ZMYND11: variants seen among roughly 807,000 people sequenced by gnomAD.
ZMYND11 encodes the protein zinc finger MYND-type containing 11.
Under a neutral mutation model 84.9 loss-of-function variants are expected in ZMYND11, and 9 were observed. The observed-to-expected ratio is 0.11, with a 90% CI of 0.06 to 0.18. The LOEUF (loss-of-function observed/expected upper bound fraction) is 0.18. Ranked by LOEUF, ZMYND11 falls within the 10% of genes least tolerant of loss-of-function variation. The pLI is 1.00. For missense variants in ZMYND11, 409 were observed against 761.0 expected (o/e 0.54, Z 5.44); for synonymous variants, 250 against 244.1 (o/e 1.02, Z -0.23).
At chr10:174,134 C>T (rs527344556) in intron 1 of ZMYND11, among the ~76,000 whole-genome samples, 2 of 152,200 alleles carry the variant, frequency 1.3e-5, no homozygotes, top group East Asian at 3.9e-4. Context: ...GTTTTGATTG[C>T]CAAAACTTAG....
rs79345333 is a variant in ZMYND11 at position 234,372 on chromosome 10, A to G, written c.439-2466A>G. Among the ~76,000 whole-genome samples, 1,299 of 152,370 alleles carry G rather than the reference A, an allele frequency of 8.5e-3. 37 individuals are homozygous for G. The highest frequency in any genetic ancestry group is 0.056 in the Admixed American group (857 of 15,312). On this transcript the variant is annotated intron_variant, in intron 4 of 14. Coordinates refer to ENST00000381604, the MANE Select transcript of ZMYND11 (RefSeq NM_001370100.5). ...TCAAGGGACCACAGAGCCTAGAGCTAACATCCAGAGGGGAAGGGATTCCTG... is the reference window on the plus strand; with the variant it reads ...TCAAGGGACCACAGAGCCTAGAGCTGACATCCAGAGGGGAAGGGATTCCTG...
chr10:175,745 CCT>C lies in ZMYND11; in HGVS notation c.-19-4248_-19-4247del, dbSNP rs1157398369. Among the ~76,000 whole-genome samples the C allele has an allele frequency of 1.4e-4, 21 of 151,802 alleles. No homozygotes were observed. The East Asian group carries it at 3.5e-3, about 25-fold the overall frequency. On this transcript the variant is annotated intron_variant, in intron 1 of 14. Coordinates refer to ENST00000381604, the MANE Select transcript of ZMYND11 (RefSeq NM_001370100.5). ...AAGAGAAAAGCATTGTATGGATAAA[CCT>C]AATATAAAAATTAATATATAAATGG... is the stretch of plus-strand genomic sequence containing the variant.
intron 2 of ZMYND11, among the ~76,000 whole-genome samples, chr10:209,627 A>T (rs1944816546): frequency 6.6e-6 from 1 of 152,164 alleles, no homozygotes; most frequent in Admixed American, 6.6e-5. Context: ...CTGATTTGGG[A>T]CTATTTTGAA....
chr10:210,957 G>A (rs539146440), intron 3 of ZMYND11, among the ~76,000 whole-genome samples: 1 of 151,908 alleles, frequency 6.6e-6, no homozygotes, highest in Non-Finnish European at 1.5e-5. Flanking sequence ...GAGCCCAGGA[G>A]TTCAACACTA....
intron 1 of ZMYND11, among the ~76,000 whole-genome samples, chr10:153,120 G>A (rs1239360433): frequency 6.6e-6 from 1 of 152,100 alleles, no homozygotes; most frequent in Non-Finnish European, 1.5e-5. Context: ...GTACTGATAT[G>A]TTCTCTAGGT....
intron 1 of ZMYND11, among the ~76,000 whole-genome samples, chr10:150,840 G>A (rs1233773625): frequency 3.9e-5 from 6 of 152,160 alleles, no homozygotes; most frequent in Admixed American, 3.9e-4. Context: ...CCCCCAGCAG[G>A]GGCAGACTGA....
intron 1 of ZMYND11, among the ~76,000 whole-genome samples, chr10:161,707 C>G (rs1842971318): frequency 6.6e-6 from 1 of 152,198 alleles, no homozygotes; most frequent in African/African-American, 2.4e-5. Flanking sequence ...GAATCTACCT[C>G]TGCAATCTTC....
chr10:136,498 C>T (rs1404204710), intron 1 of ZMYND11, among the ~76,000 whole-genome samples: 2 of 152,008 alleles, frequency 1.3e-5, no homozygotes, highest in Non-Finnish European at 2.9e-5. Flanking sequence ...GGTGTCGTAC[C>T]GGCTATCATA....
chr10:184,983 T>C (rs1937795085), intron 2 of ZMYND11, among the ~76,000 whole-genome samples: 1 of 152,174 alleles, frequency 6.6e-6, no homozygotes. Context: ...ATTCGTAGCC[T>C]TTCTCTGTAA....
At chr10:146,680 A>G (rs782504139) in intron 1 of ZMYND11, among the ~76,000 whole-genome samples, 17 of 152,058 alleles carry the variant, frequency 1.1e-4, no homozygotes, top group Non-Finnish European at 2.1e-4. Flanking sequence ...TTTCTTAGTG[A>G]TATGGTTTGG....
intron 14 of ZMYND11, among the ~76,000 whole-genome samples, chr10:250,423 A>G (rs1323889711): frequency 6.6e-6 from 1 of 152,190 alleles, no homozygotes; most frequent in Admixed American, 6.5e-5. Context: ...TGAGCCCAGG[A>G]GTGCAAGGTT....
chr10:132,991 T>C (rs1419303306), upstream of ZMYND11, among the ~76,000 whole-genome samples: 1 of 152,196 alleles, frequency 6.6e-6, no homozygotes, highest in Non-Finnish European at 1.5e-5. Flanking sequence ...CAGCAATTAG[T>C]TACTGGTCTT....
intron 6 of ZMYND11, 58 bp from the exon 7 acceptor site, chr10:239,380 C>G (rs1234419094): frequency 7.1e-7 from 1 of 1,411,598 alleles, no homozygotes; most frequent in East Asian, 2.3e-5. Flanking sequence ...TGAACTTAGT[C>G]CAGACAAGTA....
chr10:218,201 A>T (rs1391713258), intron 3 of ZMYND11, among the ~76,000 whole-genome samples: 1 of 152,090 alleles, frequency 6.6e-6, no homozygotes, highest in Non-Finnish European at 1.5e-5. Context: ...GTCCATTTGT[A>T]GCTTTTGTGT....
In ZMYND11 at chr10:252,654, G is replaced by A. The variant is rs3758506; in HGVS notation, c.*184G>A. On this transcript the variant is annotated 3_prime_UTR_variant, in exon 15 of 15. Coordinates refer to ENST00000381604, the MANE Select transcript of ZMYND11 (RefSeq NM_001370100.5). The surrounding 1 kb of genome is among the most constrained non-coding windows in gnomAD (Gnocchi z 4.6). The stretch of plus-strand genomic sequence containing the variant: ...TTAATGCTCCTCCGAAGTTTTTCAG[G>A]GGGTAAAAGTAACATCAGTGGAGGG... 1.6e-6 allele frequency: 1 copy of A among 614,448 alleles called. No individual in the cohort carries two copies. The highest frequency in any genetic ancestry group is 1.9e-5 in the African/African-American group (1 of 52,752). 38.1% of individuals were successfully genotyped at this position (614,448 alleles called of 1,614,324 possible). A position where few individuals can be genotyped will look rare whatever the true frequency, so the allele number is the denominator to read the frequency against.
intron 8 of ZMYND11, 125 bp downstream of exon 8, chr10:240,236 G>GCCCCCACGCCC: frequency 2.4e-6 from 2 of 830,440 alleles, no homozygotes; most frequent in Non-Finnish European, 1.8e-6. Context: ...CCGGGCGTGG[G>GCCCCCACGCCC]GGCTCACGCC....
chr10:157,537 G>A (rs1841996504), intron 1 of ZMYND11, among the ~76,000 whole-genome samples: 2 of 152,142 alleles, frequency 1.3e-5, no homozygotes, highest in Non-Finnish European at 2.9e-5. Flanking sequence ...TAACAGTAAT[G>A]ACAATGAAAG....
chr10:141,646 A>G (rs1837523462), intron 1 of ZMYND11, among the ~76,000 whole-genome samples: 2 of 152,208 alleles, frequency 1.3e-5, no homozygotes, highest in Admixed American at 6.5e-5. Flanking sequence ...GTAACTTTTA[A>G]AGTACTCTGT....
At chr10:209,142 CAAAA>C (rs1054330238) in intron 2 of ZMYND11, among the ~76,000 whole-genome samples, 27 of 151,502 alleles carry the variant, frequency 1.8e-4, no homozygotes, top group African/African-American at 5.8e-4. Flanking sequence ...CTTTATTAAA[CAAAA>C]AAGATACAAA....
Sources: allele counts gnomAD v4.1 joint callset (sites outside exome capture counted in the v4.1 genomes callset), GRCh38; gene constraint gnomAD v4.1.1; non-coding constraint Gnocchi (gnomAD v3.1); transcripts MANE v1.5; gene names NCBI Gene and HGNC (gene_info 2026-07-23, HGNC 2026-07-21).